The following OLFML1 variants were observed in gnomAD, a reference collection of about 807,000 sequenced individuals.
OLFML1 encodes olfactomedin-like protein 1.
OLFML1 carries 33 observed loss-of-function variants against 37.3 expected under a neutral mutation model. The observed-to-expected ratio is 0.88, with a 90% CI of 0.67 to 1.18. OLFML1 has a LOEUF of 1.18. Ranked by LOEUF, OLFML1 falls within the 50% of genes most tolerant of loss-of-function variation. OLFML1 has a pLI of 0.00. For missense variants in OLFML1, 545 were observed against 483.7 expected, an observed-to-expected ratio of 1.13 and a Z score of -1.19; for synonymous variants, 186 against 181.3, an observed-to-expected ratio of 1.03 and a Z score of -0.21.
At chr11:7,489,306 T>C (rs967271426) in intron 2 of OLFML1, among the ~76,000 whole-genome samples, 1 of 152,066 alleles carries the variant, frequency 6.6e-6, no homozygotes, top group African/African-American at 2.4e-5. Context: ...TTGGTCTCAG[T>C]TTTGAACAAA....
chr11:7,500,201 T>C (rs1466381454), intron 2 of OLFML1, among the ~76,000 whole-genome samples: 1 of 152,246 alleles, frequency 6.6e-6, no homozygotes, highest in African/African-American at 2.4e-5. Context: ...CCATTTCTGC[T>C]GTATTTTAAA....
At chr11:7,491,171 T>C (rs1352488292) in intron 2 of OLFML1, among the ~76,000 whole-genome samples, 1 of 151,680 alleles carries the variant, frequency 6.6e-6, no homozygotes, top group Non-Finnish European at 1.5e-5. Context: ...CAATCCTTTA[T>C]GACTCAAAAA....
chr11:7,492,356 T>C (rs757606416), intron 2 of OLFML1, among the ~76,000 whole-genome samples: 28 of 152,208 alleles, frequency 1.8e-4, no homozygotes, highest in Non-Finnish European at 3.8e-4. Flanking sequence ...AGGAAGGCAT[T>C]GCCAGAGGTC....
chr11:7,487,822 T>G (rs1220723793), intron 1 of OLFML1, among the ~76,000 whole-genome samples: 4 of 152,102 alleles, frequency 2.6e-5, no homozygotes, highest in Non-Finnish European at 4.4e-5. Context: ...TATACTTTAA[T>G]TAGTATCAAA....
intron 1 of OLFML1, among the ~76,000 whole-genome samples, chr11:7,486,504 A>G (rs977400616): frequency 6.6e-6 from 1 of 152,216 alleles, no homozygotes; most frequent in African/African-American, 2.4e-5. Flanking sequence ...CATGATATCA[A>G]TGTACTGAGA....
rs1001751602 is a variant in OLFML1, at chr11:7,509,982, G to A, written c.1003G>A (p.Gly335Ser). The change falls in exon 3 of 3, where the codon GGC becomes AGC. Residue 335 changes from glycine (G) to serine (S), a missense_variant. Physicochemically the swap from Gly to Ser is moderately conservative, Grantham distance 56. Transcript: ENST00000329293. The stretch of plus-strand genomic sequence containing the variant: ...TCTCTATGTGGTCTACAGTACTGGG[G>A]GCCAGGGCCCTCATCGCATCACCTG... Reference protein sequence around the residue: ...GVLYVVYSTGGQGPHRITCIY... With the variant: ...GVLYVVYSTGSQGPHRITCIY... The A allele has an allele frequency of 1.9e-6, 3 of 1,614,078 alleles. No individual in the cohort carries two copies. Among genetic ancestry groups the A allele is most frequent in the Admixed American group, 1.7e-5 (1 of 60,002 alleles).
intron 2 of OLFML1, among the ~76,000 whole-genome samples, chr11:7,498,252 C>T (rs1349011912): frequency 6.6e-6 from 1 of 152,234 alleles, no homozygotes; most frequent in Non-Finnish European, 1.5e-5. Flanking sequence ...GAATGACCAT[C>T]TAACTGCTCT....
At position 7,509,738 on chromosome 11, in the gene OLFML1, AG is replaced by A; in HGVS notation, c.761del (p.Gly254GlufsTer3). Reference protein sequence around the residue: ...RTVEDRMLLPGGVGRALVYQH... With the variant: ...RTVEDRMLLPXGVGRALVYQH... ...CTGTGGAAGATCGAATGCTGCTCCC[AG>A]GAGGGGTAGGCCGAGCATTGGTTTA... On this transcript the variant is annotated frameshift_variant, in exon 3 of 3. Coordinates refer to ENST00000329293, the MANE Select transcript of OLFML1 (RefSeq NM_198474.4). LOFTEE classifies it high-confidence loss of function. 6.2e-7 allele frequency: 1 copy of A among 1,614,246 alleles called. No homozygotes were observed.
intron 2 of OLFML1, among the ~76,000 whole-genome samples, chr11:7,490,510 T>G (rs894908201): frequency 6.6e-6 from 1 of 152,184 alleles, no homozygotes; most frequent in African/African-American, 2.4e-5. Flanking sequence ...CCACCAGGTG[T>G]TGAGACTACC....
chr11:7,507,533 G>A (rs530375937), intron 2 of OLFML1, among the ~76,000 whole-genome samples: 2 of 148,466 alleles, frequency 1.3e-5, no homozygotes, highest in Admixed American at 6.8e-5. Flanking sequence ...ACCCTTGTGC[G>A]TTGAAAATTT....
At position 7,485,921 on chromosome 11, in the gene OLFML1, C is replaced by G; in HGVS notation, c.46C>G (p.Leu16Val). ...AGCTTCTGCATTGCTGGTTCTGTTC[C>G]TTGCAGCTTTTCTGCCCCCGCCGCA... is the stretch of plus-strand genomic sequence containing the variant. ...RGASALLVLF[L>V]AAFLPPPQCT... The change falls in exon 1 of 3, where the codon CTT becomes GTT. Residue 16 changes from leucine (L) to valine (V), a missense_variant. Transcript: ENST00000329293. The G allele has an allele frequency of 1.9e-6, 3 of 1,613,982 alleles. No individual in the cohort carries two copies. The highest frequency in any genetic ancestry group is 2.5e-6 in the Non-Finnish European group (3 of 1,179,938).
intron 1 of OLFML1, among the ~76,000 whole-genome samples, chr11:7,486,748 T>A (rs576398572): frequency 6.6e-6 from 1 of 152,318 alleles, no homozygotes; most frequent in South Asian, 2.1e-4. Context: ...GCTAAATTGA[T>A]AAATTATTTA....
intron 2 of OLFML1, among the ~76,000 whole-genome samples, chr11:7,493,924 T>C (rs1018301401): frequency 7.2e-5 from 11 of 152,346 alleles, no homozygotes; most frequent in Admixed American, 6.5e-4. Flanking sequence ...AAAAAGCTTA[T>C]GGCCAAGGGG....
In OLFML1 at chr11:7,489,999, A is replaced by G. The variant is rs76950015; in HGVS notation, c.418+1584A>G. 9.6e-3 allele frequency among the ~76,000 whole-genome samples: 1,467 copies of G among 152,084 alleles called. 26 individuals carry two copies. The highest frequency in any genetic ancestry group is 0.034 in the African/African-American group (1,404 of 41,440). On this transcript the variant is annotated intron_variant, in intron 2 of 2. Transcript: ENST00000329293. The stretch of plus-strand genomic sequence containing the variant: ...GCTTGGAACCCCAGTTTCATGTTCA[A>G]TGCTGTGTCTCCAGTGCCTAGAATG...
chr11:7,504,930 A>ATT (rs10642636), intron 2 of OLFML1: 75,537 of 139,750 alleles, frequency 0.54, 20,491 homozygotes, highest in African/African-American at 0.58. Flanking sequence ...CACATCCAGC[A>ATT]TTTTTTTTTT....
At chr11:7,497,721 G>C (rs538006219) in intron 2 of OLFML1, among the ~76,000 whole-genome samples, 1 of 152,202 alleles carries the variant, frequency 6.6e-6, no homozygotes, top group African/African-American at 2.4e-5. Context: ...GTTCAGGACA[G>C]GGTGCCATGG....
At chr11:7,490,116 G>C (rs1422937014) in intron 2 of OLFML1, among the ~76,000 whole-genome samples, 6 of 125,158 alleles carry the variant, frequency 4.8e-5, no homozygotes, top group African/African-American at 1.8e-4. Context: ...AGGCAGAGGG[G>C]TTAGTTAGGC....
In OLFML1 at chr11:7,510,248, G is replaced by A. The variant is rs1412608086; in HGVS notation, c.*60G>A. 2.2e-6 allele frequency: 3 copies of A among 1,340,126 alleles called. No individual in the cohort carries two copies. The highest frequency in any genetic ancestry group is 2.9e-5 in the African/African-American group (2 of 68,434). 83.0% of individuals were successfully genotyped at this position (1,340,126 alleles called of 1,614,324 possible). A position where few individuals can be genotyped will look rare whatever the true frequency, so the allele number is the denominator to read the frequency against. ...TGGCAGCTGTTCTACAGGACAGTGAGGCTATAGCCCCTTCACAATATAGTA... is the reference window on the plus strand; with the variant it reads ...TGGCAGCTGTTCTACAGGACAGTGAAGCTATAGCCCCTTCACAATATAGTA... On this transcript the variant is annotated 3_prime_UTR_variant, in exon 3 of 3. Transcript: ENST00000329293.
chr11:7,509,786 C>T lies in OLFML1; in HGVS notation c.807C>T (p.Tyr269=), dbSNP rs753640586. The T allele has an allele frequency of 2.5e-6, 4 of 1,614,136 alleles. No individual in the cohort carries two copies. Among genetic ancestry groups the T allele is most frequent in the Admixed American group, 3.3e-5 (2 of 60,016 alleles). Residue 269 remains tyrosine, a synonymous_variant, in exon 3 of 3, where the codon TAC becomes TAT. Transcript: ENST00000329293. ...ALVYQHSPST[Y]IDLAVDEHGL... is the part of the protein sequence containing the mutation. ...TTTACCAGCACTCCCCCTCAACTTACATTGACCTGGCTGTGGATGAGCATG... is the reference window on the plus strand; with the variant it reads ...TTTACCAGCACTCCCCCTCAACTTATATTGACCTGGCTGTGGATGAGCATG...
Sources: gnomAD v4.1 joint callset for allele counts (sites outside exome capture counted in the v4.1 genomes callset) on GRCh38, gnomAD v4.1.1 for gene constraint, MANE v1.5 for transcripts, NCBI Gene and HGNC (gene_info 2026-07-23, HGNC 2026-07-21) for gene names.